Variants in ATAD2B observed in about 807,000 individuals in gnomAD.
ATAD2B encodes ATPase family AAA domain containing 2B.
ATAD2B carries 40 observed loss-of-function variants against 167.6 expected under a neutral mutation model. The observed-to-expected ratio is 0.24, with a 90% CI of 0.19 to 0.31. The LOEUF (loss-of-function observed/expected upper bound fraction) is 0.31, where lower values mean the gene tolerates loss of function less well. Ranked by LOEUF, ATAD2B falls within the 10% of genes least tolerant of loss-of-function variation. The pLI is 1.00. For missense variants in ATAD2B, 1,242 were observed against 1,757.2 expected, an observed-to-expected ratio of 0.71 and a Z score of 5.24; for synonymous variants, 579 against 596.5, an observed-to-expected ratio of 0.97 and a Z score of 0.43.
At chr2:23,857,561 T>C in intron 12 of ATAD2B, 58 bp from the exon 13 acceptor site, 1 of 833,440 alleles carries the variant, frequency 1.2e-6, no homozygotes, top group Non-Finnish European at 1.7e-6. Context: ...TAAAATTTAT[T>C]ATATTTTCTT....
intron 13 of ATAD2B, among the ~76,000 whole-genome samples, chr2:23,840,214 T>C (rs1189482265): frequency 6.6e-6 from 1 of 152,174 alleles, no homozygotes; most frequent in Non-Finnish European, 1.5e-5. Context: ...TCATAGAGAT[T>C]TTCCCCTATG....
chr2:23,703,229 C>A, the ATAD2B span: 1 of 1,517,378 alleles, frequency 6.6e-7, no homozygotes, highest in Non-Finnish European at 8.8e-7. Flanking sequence ...GGCCCCTCTG[C>A]CCAAGGCAGT....
Position 23,867,932 on chromosome 2 carries a change from T to C in ATAD2B, c.1091A>G (p.Asn364Ser). 1.2e-6 allele frequency: 2 copies of C among 1,606,396 alleles called. No individual in the cohort carries two copies. Among genetic ancestry groups the C allele is most frequent in the Non-Finnish European group, 1.7e-6 (2 of 1,177,434 alleles). ...GCTAGCTAAGTCCTCTGCTCTGAAG[T>C]TCATAGGCAAACATCTGAAATTTAT... ...ARARNRCLPM[N>S]FRAEDLASGI... is the part of the protein sequence containing the mutation. Residue 364 changes from asparagine (N) to serine (S), a missense_variant, in exon 10 of 28, where the codon AAC becomes AGC. Asn to Ser is a conservative substitution (Grantham distance 46). Transcript: ENST00000238789.
intron 9 of ATAD2B, among the ~76,000 whole-genome samples, chr2:23,868,270 A>G (rs1483855531): frequency 1.3e-5 from 2 of 152,246 alleles, no homozygotes; most frequent in Non-Finnish European, 2.9e-5. Context: ...ACCTATATGT[A>G]TTATAATATA....
the ATAD2B span, chr2:23,691,519 G>A: frequency 1.1e-5 from 7 of 623,028 alleles, no homozygotes; most frequent in African/African-American, 3.7e-5. Context: ...TTCAGATCCC[G>A]TGTCACAGCA....
At chr2:23,785,112 G>A (rs948780147) in intron 21 of ATAD2B, among the ~76,000 whole-genome samples, 1 of 152,126 alleles carries the variant, frequency 6.6e-6, no homozygotes, top group Middle Eastern at 3.4e-3. Context: ...CAGGGGGGAG[G>A]AATGTAAATG....
chr2:23,692,228 C>T, the ATAD2B span, among the ~76,000 whole-genome samples: 1 of 152,144 alleles, frequency 6.6e-6, no homozygotes, highest in African/African-American at 2.4e-5. Context: ...TTCTCTAGAC[C>T]CTGAACAAAG....
At chr2:23,914,278 T>G (rs572961142) in intron 1 of ATAD2B, among the ~76,000 whole-genome samples, 1 of 152,228 alleles carries the variant, frequency 6.6e-6, no homozygotes, top group African/African-American at 2.4e-5. Flanking sequence ...TATATGTGTG[T>G]ACAAAGTCAC....
intron 18 of ATAD2B, among the ~76,000 whole-genome samples, chr2:23,808,085 A>ATATATAAGTAAT (rs1485079464): frequency 7.4e-5 from 10 of 134,776 alleles, no homozygotes; most frequent in Non-Finnish European, 1.1e-4. Flanking sequence ...AAGTAATTAT[A>ATATATAAGTAAT]TATATAATTA....
chr2:23,720,578 CAAAAA>C, the ATAD2B span, among the ~76,000 whole-genome samples: 1 of 126,742 alleles, frequency 7.9e-6, no homozygotes, highest in South Asian at 2.7e-4. Context: ...GACTCCGTCT[CAAAAA>C]AAAAAAAAAA....
At chr2:23,864,567 A>G (rs1351827073) in intron 11 of ATAD2B, among the ~76,000 whole-genome samples, 2 of 152,216 alleles carry the variant, frequency 1.3e-5, no homozygotes, top group Admixed American at 6.5e-5. Flanking sequence ...CTGGTTGTGT[A>G]TTTAGGGCCC....
chr2:23,829,682 G>A (rs1217243726), intron 14 of ATAD2B, among the ~76,000 whole-genome samples: 1 of 152,178 alleles, frequency 6.6e-6, no homozygotes, highest in Non-Finnish European at 1.5e-5. Flanking sequence ...TTGAGCCTGA[G>A]AGGTCGAGGC....
At chr2:23,785,949 T>C in intron 21 of ATAD2B, 78 bp downstream of exon 21, 2 of 1,327,806 alleles carry the variant, frequency 1.5e-6, no homozygotes, top group South Asian at 1.6e-5. Flanking sequence ...TGCTTTTTTT[T>C]CCTTCCAAAA....
chr2:23,723,052 G>A, the ATAD2B span, among the ~76,000 whole-genome samples: 2 of 152,168 alleles, frequency 1.3e-5, no homozygotes, highest in African/African-American at 4.8e-5. Flanking sequence ...ATCACTTTGG[G>A]AGGCCAAGGC....
At chr2:23,682,586 C>T in the ATAD2B span, among the ~76,000 whole-genome samples, 3 of 152,134 alleles carry the variant, frequency 2.0e-5, no homozygotes, top group East Asian at 5.8e-4. This position sits in a 1 kb window ranked among gnomAD's most constrained non-coding sequence, Gnocchi z 4.1. Context: ...AAGACTGTTG[C>T]GATCTGGCCC....
chr2:23,835,936 C>CAAAAAAAAA (rs111774656), intron 13 of ATAD2B, among the ~76,000 whole-genome samples: 1 of 131,832 alleles, frequency 7.6e-6, no homozygotes, highest in Non-Finnish European at 1.7e-5. Context: ...AACTCCATCT[C>CAAAAAAAAA]AAAAAAAAAA....
chr2:23,709,382 C>G, the ATAD2B span, among the ~76,000 whole-genome samples: 2 of 152,298 alleles, frequency 1.3e-5, no homozygotes, highest in South Asian at 4.1e-4. Flanking sequence ...GTCGGGGGGC[C>G]TCACTGCCTT....
At chr2:23,823,887 T>C (rs1263998064) in intron 15 of ATAD2B, among the ~76,000 whole-genome samples, 1 of 152,082 alleles carries the variant, frequency 6.6e-6, no homozygotes, top group South Asian at 2.1e-4. Context: ...ACAAAAGCCA[T>C]GTATTATGTG....
At chr2:23,910,911 G>T (rs1375337406) in intron 1 of ATAD2B, among the ~76,000 whole-genome samples, 4 of 151,232 alleles carry the variant, frequency 2.6e-5, no homozygotes, top group Non-Finnish European at 1.5e-5. Context: ...CAGTGGAGGA[G>T]CACGTTAAAG....
Sources: allele counts gnomAD v4.1 joint callset (sites outside exome capture counted in the v4.1 genomes callset), GRCh38; gene constraint gnomAD v4.1.1; non-coding constraint Gnocchi (gnomAD v3.1); transcripts MANE v1.5; gene names NCBI Gene and HGNC (gene_info 2026-07-23, HGNC 2026-07-21).